Variants in UTRN observed in about 807,000 individuals in gnomAD.
UTRN encodes utrophin.
In UTRN, 283 loss-of-function variants were observed where a neutral mutation model predicts 463.9. That is an observed-to-expected ratio of 0.61 (90% CI 0.55 to 0.67). The LOEUF is 0.67. Ranked by LOEUF, UTRN falls within the 30% of genes least tolerant of loss-of-function variation. The pLI is 0.00. For missense variants in UTRN, 3,922 were observed against 4,084.3 expected (o/e 0.96, Z 1.08); for synonymous variants, 1,442 against 1,431.5 (o/e 1.01, Z -0.17).
intron 48 of UTRN, among the ~76,000 whole-genome samples, chr6:144,551,917 C>G (rs1335924804): frequency 6.6e-6 from 1 of 152,102 alleles, no homozygotes; most frequent in Non-Finnish European, 1.5e-5. Flanking sequence ...AAATGTCATC[C>G]CCTTTGTGAC....
chr6:144,652,228 G>A (rs1778892205), intron 51 of UTRN, among the ~76,000 whole-genome samples: 1 of 152,170 alleles, frequency 6.6e-6, no homozygotes, highest in African/African-American at 2.4e-5. Context: ...TGCTTCACCT[G>A]TGGACGTTCA....
chr6:144,655,801 A>G (rs1476486445), intron 51 of UTRN, among the ~76,000 whole-genome samples: 1 of 152,258 alleles, frequency 6.6e-6, no homozygotes, highest in East Asian at 1.9e-4. Flanking sequence ...AGCTGTAAAG[A>G]ATCTTTTATT....
In UTRN at chr6:144,810,651, G is replaced by T. The variant is rs9376860; in HGVS notation, c.9357+7504G>T. Among the ~76,000 whole-genome samples the T allele has an allele frequency of 2.3e-4, 35 of 152,248 alleles. No homozygotes were observed. The East Asian group carries it at 6.6e-3, about 29-fold the overall frequency. On this transcript the variant is annotated intron_variant, in intron 65 of 74. Coordinates refer to ENST00000367545, the MANE Select transcript of UTRN (RefSeq NM_007124.3). ...AAAGGTTAGCCAGGATAGAAAGGTA[G>T]TTTGAGAGACATGTTAGCTGAGGGA... is the stretch of plus-strand genomic sequence containing the variant.
At chr6:144,561,205 TTATATATATATATATATATATA>T (rs1162903466) in intron 50 of UTRN, among the ~76,000 whole-genome samples, 12,959 of 60,258 alleles carry the variant, frequency 0.22, 1,496 homozygotes, top group South Asian at 0.39. Context: ...AAAAATAACA[TTATATATATATATATATATATA>T]TATATATATA....
At chr6:144,770,570 T>C (rs1793897690) in intron 58 of UTRN, among the ~76,000 whole-genome samples, 1 of 152,046 alleles carries the variant, frequency 6.6e-6, no homozygotes, top group Non-Finnish European at 1.5e-5. Context: ...CAGTTAACTC[T>C]TTTTAAATGT....
At chr6:144,819,661 C>T (rs79744400) in intron 65 of UTRN, among the ~76,000 whole-genome samples, 5,414 of 152,106 alleles carry the variant, frequency 0.036, 142 homozygotes, top group South Asian at 0.075. Context: ...CCATTGCATG[C>T]CAGCTTGGGC....
At chr6:144,331,977 C>T (rs1776366129) in intron 2 of UTRN, among the ~76,000 whole-genome samples, 1 of 152,166 alleles carries the variant, frequency 6.6e-6, no homozygotes, top group African/African-American at 2.4e-5. Context: ...CCATCATTGC[C>T]CCATCCAGCC....
intron 2 of UTRN, chr6:144,330,781 C>T: frequency 1.0e-6 from 1 of 977,860 alleles, no homozygotes. Context: ...CCATTCTGGT[C>T]CGGGCAGTTG....
At chr6:144,588,836 T>C (rs1802727277) in intron 51 of UTRN, among the ~76,000 whole-genome samples, 1 of 152,216 alleles carries the variant, frequency 6.6e-6, no homozygotes, top group Admixed American at 6.5e-5. Flanking sequence ...GTAGAGTTCC[T>C]ACCATAGAGA....
At chr6:144,771,574 C>A (rs1794018257) in intron 58 of UTRN, among the ~76,000 whole-genome samples, 1 of 151,796 alleles carries the variant, frequency 6.6e-6, no homozygotes, top group African/African-American at 2.4e-5. Context: ...TACAGGCACC[C>A]ACCACCATAC....
chr6:144,785,552 C>T (rs1776225213), intron 61 of UTRN, among the ~76,000 whole-genome samples: 1 of 152,034 alleles, frequency 6.6e-6, no homozygotes, highest in South Asian at 2.1e-4. Flanking sequence ...TTTAAGTGAA[C>T]AGTTTTTTTC....
Position 144,493,561 on chromosome 6 carries a change from T to C in UTRN, c.4593+105T>C, listed in dbSNP as rs76547733. 6,592 of 1,301,162 alleles carry C rather than the reference T, an allele frequency of 5.1e-3. 40 individuals are homozygous for C. Among genetic ancestry groups the C allele is most frequent in the Middle Eastern group, 0.013 (65 of 4,870 alleles). The allele number at this position is 1,301,162 out of a possible 1,614,324, so 80.6% of individuals were successfully genotyped here. Reference sequence around the variant, plus strand: ...TCATGTATTTTTAAATTTCATTTTTTGGAAAATGCATGTTTGAAAATTATG... The same window carrying C: ...TCATGTATTTTTAAATTTCATTTTTCGGAAAATGCATGTTTGAAAATTATG... On this transcript the variant is annotated intron_variant, in intron 33 of 74. Transcript: ENST00000367545.
chr6:144,416,952 C>A (rs1270401362), intron 3 of UTRN, among the ~76,000 whole-genome samples: 2 of 152,280 alleles, frequency 1.3e-5, no homozygotes, highest in Non-Finnish European at 2.9e-5. Flanking sequence ...GCAAATGAGT[C>A]TTTGCAAAGA....
chr6:144,332,030 G>C (rs1776369384), intron 2 of UTRN, among the ~76,000 whole-genome samples: 1 of 152,214 alleles, frequency 6.6e-6, no homozygotes, highest in South Asian at 2.1e-4. Context: ...TCTGTTTACA[G>C]GGTCTTTCCT....
At chr6:144,720,624 G>GA (rs1787029497) in intron 53 of UTRN, among the ~76,000 whole-genome samples, 1 of 152,174 alleles carries the variant, frequency 6.6e-6, no homozygotes, top group Non-Finnish European at 1.5e-5. Context: ...TAAGTATGTG[G>GA]AAGGTACACA....
chr6:144,547,790 G>T (rs1270291149), intron 46 of UTRN, among the ~76,000 whole-genome samples: 3 of 152,100 alleles, frequency 2.0e-5, no homozygotes, highest in African/African-American at 7.2e-5. Context: ...TAATTTGACT[G>T]TTTTTTGTCC....
chr6:144,492,817 A>C (rs531369978), intron 32 of UTRN, among the ~76,000 whole-genome samples: 12 of 152,112 alleles, frequency 7.9e-5, no homozygotes, highest in Non-Finnish European at 1.6e-4. Context: ...ATTTTTTATC[A>C]TACAAATTAT....
intron 52 of UTRN, among the ~76,000 whole-genome samples, chr6:144,681,893 T>C (rs1315333668): frequency 6.6e-6 from 1 of 152,198 alleles, no homozygotes; most frequent in East Asian, 1.9e-4. Flanking sequence ...GTACACGAGA[T>C]ATTTTGGTAC....
rs116941863 is a variant in UTRN, at chr6:144,460,551, A to G, written c.2708-646A>G. 5.3e-3 allele frequency among the ~76,000 whole-genome samples: 800 copies of G among 152,308 alleles called. 9 individuals are homozygous for G. Among genetic ancestry groups the G allele is most frequent in the Middle Eastern group, 0.01 (3 of 294 alleles). On this transcript the variant is annotated intron_variant, in intron 21 of 74. Coordinates refer to ENST00000367545, the MANE Select transcript of UTRN (RefSeq NM_007124.3). ...TTTGAGGGTACCTCTTTCTCCACTT[A>G]TTGGTACAAGCTGTGCTTTCACTTT...
Sources: gnomAD v4.1 joint callset for allele counts (sites outside exome capture counted in the v4.1 genomes callset) on GRCh38, gnomAD v4.1.1 for gene constraint, MANE v1.5 for transcripts, NCBI Gene and HGNC (gene_info 2026-07-23, HGNC 2026-07-21) for gene names.